The following OPCML variants were observed in gnomAD, a reference collection of about 807,000 sequenced individuals.
OPCML encodes the protein opioid-binding protein/cell adhesion molecule.
Under a neutral mutation model 37.8 loss-of-function variants are expected in OPCML, and 13 were observed. The observed-to-expected ratio is 0.34, with a 90% CI of 0.22 to 0.55. The LOEUF (loss-of-function observed/expected upper bound fraction) is 0.55. Among genes scored for constraint, OPCML ranks in the 20% least tolerant of loss-of-function variants. The probability of loss-of-function intolerance (pLI) is 0.91; values close to 1 mark genes in which losing one functional copy is unlikely to be tolerated. For synonymous variants in OPCML, 176 were observed against 168.8 expected (o/e 1.04, Z -0.33); for missense variants, 341 against 435.6 (o/e 0.78, Z 1.93).
At chr11:132,544,384 T>G (rs117402698) in intron 3 of OPCML, among the ~76,000 whole-genome samples, 1 of 152,124 alleles carries the variant, frequency 6.6e-6, no homozygotes, top group African/African-American at 2.4e-5. Flanking sequence ...ATACACAAAA[T>G]TATCTTTAAA....
chr11:133,493,309 G>T (rs1947706969), intron 1 of OPCML, among the ~76,000 whole-genome samples: 1 of 152,208 alleles, frequency 6.6e-6, no homozygotes. Flanking sequence ...TCCATGAAGG[G>T]CTCTTGCTGC....
At chr11:133,394,494 G>C (rs1381904445) in intron 1 of OPCML, among the ~76,000 whole-genome samples, 1 of 151,986 alleles carries the variant, frequency 6.6e-6, no homozygotes, top group Non-Finnish European at 1.5e-5. Context: ...TCAAATAATA[G>C]GTCTTATTCA....
At chr11:133,422,375 C>A in intron 1 of OPCML, 1 of 893,674 alleles carries the variant, frequency 1.1e-6, no homozygotes, top group Non-Finnish European at 1.3e-6. Context: ...AGACCAAAGA[C>A]ATTATATATA....
At chr11:133,194,047 T>A (rs1461687995) in intron 1 of OPCML, among the ~76,000 whole-genome samples, 1 of 152,090 alleles carries the variant, frequency 6.6e-6, no homozygotes, top group African/African-American at 2.4e-5. Context: ...AATGTCCACA[T>A]TTTGTTCATT....
intron 2 of OPCML, among the ~76,000 whole-genome samples, chr11:132,783,133 T>G (rs1035512619): frequency 2.6e-5 from 4 of 151,962 alleles, no homozygotes; most frequent in African/African-American, 9.7e-5. Context: ...TGGGAAGGGT[T>G]TGTCCCTACA....
intron 1 of OPCML, among the ~76,000 whole-genome samples, chr11:133,401,297 G>A (rs937848092): frequency 1.3e-5 from 2 of 151,988 alleles, no homozygotes; most frequent in Non-Finnish European, 2.9e-5. Context: ...GATAGAAAAT[G>A]AATAATTCAA....
chr11:132,436,841 C>T (rs930868711), intron 5 of OPCML, 62 bp from the exon 6 acceptor site: 28 of 1,571,152 alleles, frequency 1.8e-5, no homozygotes, highest in East Asian at 2.3e-5. Context: ...AGAGTGATTT[C>T]GTGAAAGAGA....
In OPCML at chr11:133,113,611, T is replaced by A. The variant is rs4405324; in HGVS notation, c.62-170601A>T. On this transcript the variant is annotated intron_variant, in intron 1 of 7. Coordinates refer to ENST00000524381, the MANE Select transcript of OPCML (RefSeq NM_001012393.5). ...AGTTCAGAAAGAAAGCAAGGAACTT[T>A]GACCAAAGCTACAGCCAAACACTAG... Among the ~76,000 whole-genome samples, 4 of 152,182 alleles carry A rather than the reference T, an allele frequency of 2.6e-5. No homozygotes were observed. The South Asian group carries it at 8.3e-4, about 32-fold the overall frequency.
chr11:132,785,648 C>A (rs936856419), intron 2 of OPCML, among the ~76,000 whole-genome samples: 1 of 152,150 alleles, frequency 6.6e-6, no homozygotes, highest in Admixed American at 6.5e-5. Flanking sequence ...AAGGTCAGGT[C>A]AATGTCCTAA....
intron 1 of OPCML, among the ~76,000 whole-genome samples, chr11:132,960,372 G>A (rs1946065956): frequency 6.6e-6 from 1 of 152,194 alleles, no homozygotes; most frequent in Non-Finnish European, 1.5e-5. Flanking sequence ...TGAACAAACT[G>A]GGAATCCCAC....
At chr11:133,530,152 C>G (rs950375117) in intron 1 of OPCML, among the ~76,000 whole-genome samples, 4 of 152,158 alleles carry the variant, frequency 2.6e-5, no homozygotes, top group Admixed American at 1.3e-4. Context: ...GACGGTCAGG[C>G]AGGGGTGCAG....
Position 132,708,028 on chromosome 11 carries a change from C to T in OPCML, c.147-50709G>A, listed in dbSNP as rs1944105155. 1.3e-5 allele frequency among the ~76,000 whole-genome samples: 2 copies of T among 152,132 alleles called. 1 individual carries two copies. Among genetic ancestry groups the T allele is most frequent in the South Asian group, 4.1e-4 (2 of 4,830 alleles). On this transcript the variant is annotated intron_variant, in intron 2 of 7. Coordinates refer to ENST00000524381, the MANE Select transcript of OPCML (RefSeq NM_001012393.5). ...AGAATTTTCAGAATGATAAAAACTA[C>T]AAATTTATATTTCACCAAAATTCAA... is the stretch of plus-strand genomic sequence containing the variant.
chr11:132,786,065 C>T (rs1208840859), intron 2 of OPCML, among the ~76,000 whole-genome samples: 18 of 152,184 alleles, frequency 1.2e-4, no homozygotes, highest in Admixed American at 1.2e-3. Context: ...CATACCCATC[C>T]TCCACAGCAT....
chr11:133,417,814 T>C (rs1314111110), intron 1 of OPCML, among the ~76,000 whole-genome samples: 1 of 152,134 alleles, frequency 6.6e-6, no homozygotes, highest in Non-Finnish European at 1.5e-5. Context: ...GGGCATTGTA[T>C]ATGTTATTTA....
At chr11:133,507,516 C>G (rs554163228) in intron 1 of OPCML, among the ~76,000 whole-genome samples, 8 of 152,262 alleles carry the variant, frequency 5.3e-5, no homozygotes, top group Admixed American at 2.6e-4. Flanking sequence ...GGAGCTGATT[C>G]CTAGGGCTCC....
chr11:132,498,159 G>A (rs1893041), intron 4 of OPCML, among the ~76,000 whole-genome samples: 42,110 of 152,012 alleles, frequency 0.28, 6,515 homozygotes, highest in East Asian at 0.62. Flanking sequence ...CAATAATTCC[G>A]TTTCAAATCA....
chr11:132,830,273 T>G (rs1940607477), intron 2 of OPCML, among the ~76,000 whole-genome samples: 1 of 152,218 alleles, frequency 6.6e-6, no homozygotes, highest in Non-Finnish European at 1.5e-5. Context: ...CATGCCAACT[T>G]CTCTGAGCTT....
intron 1 of OPCML, among the ~76,000 whole-genome samples, chr11:133,520,626 C>T (rs1196346816): frequency 2.0e-5 from 3 of 152,106 alleles, no homozygotes; most frequent in Non-Finnish European, 4.4e-5. Flanking sequence ...TCAAAGAGGA[C>T]CCCTCTTTCC....
intron 4 of OPCML, among the ~76,000 whole-genome samples, chr11:132,465,875 T>C (rs751015375): frequency 1.2e-4 from 19 of 152,208 alleles, no homozygotes; most frequent in Admixed American, 2.6e-4. Context: ...TAAAACCAAG[T>C]TCTTTATTTT....
Sources: gnomAD v4.1 joint callset for allele counts (sites outside exome capture counted in the v4.1 genomes callset) on GRCh38, gnomAD v4.1.1 for gene constraint, MANE v1.5 for transcripts, NCBI Gene and HGNC (gene_info 2026-07-23, HGNC 2026-07-21) for gene names.